SUCLG2: variants seen among roughly 807,000 people sequenced by gnomAD.
SUCLG2 encodes the protein succinate--CoA ligase [GDP-forming] subunit beta, mitochondrial.
In SUCLG2, 42 loss-of-function variants were observed where a neutral mutation model predicts 47.9. The ratio of observed to expected loss-of-function variants is 0.88; its 90% CI spans 0.69 to 1.14. The LOEUF is 1.14. Ranked by LOEUF, SUCLG2 falls within the 50% of genes most tolerant of loss-of-function variation. SUCLG2 has a pLI of 0.00. For synonymous variants in SUCLG2, 195 were observed against 197.3 expected (o/e 0.99, Z 0.10); for missense variants, 571 against 525.9 (o/e 1.09, Z -0.84).
rs1230023652 is a variant in SUCLG2 at position 67,498,305 on chromosome 3, G to A, written c.758-10C>T. 1 of 1,364,370 alleles carries A rather than the reference G, an allele frequency of 7.3e-7. No individual in the cohort carries two copies. The highest frequency in any genetic ancestry group is 4.6e-5 in the East Asian group (1 of 21,910). 84.5% of individuals were successfully genotyped at this position (1,364,370 alleles called of 1,614,324 possible). ...GCATCAAAACAGACAACTAAATAAAGAAGAAAACAATCATACTTGAATATC... is the reference window on the plus strand; with the variant it reads ...GCATCAAAACAGACAACTAAATAAAAAAGAAAACAATCATACTTGAATATC... On this transcript the variant is annotated splice_polypyrimidine_tract_variant and intron_variant, in intron 7 of 10. Coordinates refer to ENST00000307227, the MANE Select transcript of SUCLG2 (RefSeq NM_003848.4).
chr3:67,473,836 C>T (rs1041650676), intron 9 of SUCLG2, among the ~76,000 whole-genome samples: 6 of 152,200 alleles, frequency 3.9e-5, no homozygotes, highest in Non-Finnish European at 8.8e-5. Context: ...TTATCATTCA[C>T]ATCACCTCCC....
intron 2 of SUCLG2, among the ~76,000 whole-genome samples, chr3:67,584,762 A>C (rs1403504107): frequency 9.9e-5 from 15 of 152,182 alleles, no homozygotes; most frequent in East Asian, 1.9e-4. Context: ...GTAGAAGAAG[A>C]AGCAAACACA....
intron 7 of SUCLG2, among the ~76,000 whole-genome samples, chr3:67,508,186 G>GA (rs1050472681): frequency 6.6e-6 from 1 of 152,118 alleles, no homozygotes; most frequent in Non-Finnish European, 1.5e-5. Flanking sequence ...AACTGGGGGG[G>GA]ACTTGGGGCT....
intron 9 of SUCLG2, among the ~76,000 whole-genome samples, chr3:67,466,461 T>C (rs1704474762): frequency 1.3e-5 from 2 of 152,250 alleles, no homozygotes; most frequent in South Asian, 4.1e-4. Flanking sequence ...GAACACTGGT[T>C]TGATCAAGGC....
chr3:67,539,178 T>C (rs900267911), intron 2 of SUCLG2, among the ~76,000 whole-genome samples: 1 of 152,232 alleles, frequency 6.6e-6, no homozygotes, highest in Admixed American at 6.5e-5. Context: ...CCATTCAATA[T>C]GATATTGGCT....
chr3:67,651,568 C>G (rs981062194), intron 1 of SUCLG2, among the ~76,000 whole-genome samples: 1 of 152,080 alleles, frequency 6.6e-6, no homozygotes, highest in African/African-American at 2.4e-5. Flanking sequence ...TGAACAAAAC[C>G]AGCGTTATAA....
intron 8 of SUCLG2, among the ~76,000 whole-genome samples, chr3:67,496,934 A>G (rs1298914096): frequency 1.3e-5 from 2 of 152,196 alleles, no homozygotes; most frequent in African/African-American, 4.8e-5. Flanking sequence ...AATGGTTTAC[A>G]CAGAATCTTA....
chr3:67,418,316 A>C (rs1028084982), intron 9 of SUCLG2, among the ~76,000 whole-genome samples: 1 of 151,210 alleles, frequency 6.6e-6, no homozygotes, highest in South Asian at 2.1e-4. Flanking sequence ...GCATATAAGT[A>C]ATTCAACCCT....
chr3:67,490,792 G>A (rs908144694), intron 9 of SUCLG2, among the ~76,000 whole-genome samples: 1 of 152,136 alleles, frequency 6.6e-6, no homozygotes, highest in Non-Finnish European at 1.5e-5. Flanking sequence ...GGTAATACAA[G>A]TTTACAGAGT....
rs759650687 is a variant in SUCLG2, at chr3:67,654,559, C to G, written c.28G>C (p.Gly10Arg). Residue 10 changes from glycine (G) to arginine (R), a missense_variant, in exon 1 of 11, where the codon GGG (glycine) becomes CGG (arginine). Gly to Arg is a moderately radical substitution (Grantham distance 125). Transcript: ENST00000307227. MASPVAAQAGKLLRALALRP... is the reference protein window; with the variant it reads MASPVAAQARKLLRALALRP... ...AGCGCTAGGGCTCGCAGAAGCTTCC[C>G]GGCCTGCGCTGCTACGGGGGACGCC... is the stretch of plus-strand genomic sequence containing the variant. 1.6e-6 allele frequency: 2 copies of G among 1,272,614 alleles called. No individual in the cohort carries two copies. The highest frequency in any genetic ancestry group is 1.5e-5 in the African/African-American group (1 of 65,694). The allele number at this position is 1,272,614 out of a possible 1,614,324, so 78.8% of individuals were successfully genotyped here.
intron 2 of SUCLG2, among the ~76,000 whole-genome samples, chr3:67,547,357 T>C (rs922300668): frequency 1.3e-5 from 2 of 152,236 alleles, no homozygotes; most frequent in African/African-American, 2.4e-5. Flanking sequence ...GCAGCCAGAA[T>C]GAACTAAGAT....
At chr3:67,545,386 A>C (rs1355047265) in intron 2 of SUCLG2, among the ~76,000 whole-genome samples, 3 of 152,160 alleles carry the variant, frequency 2.0e-5, no homozygotes, top group Non-Finnish European at 4.4e-5. Flanking sequence ...TCTCAGAACC[A>C]CTTTCCCATG....
intron 2 of SUCLG2, among the ~76,000 whole-genome samples, chr3:67,565,877 C>T (rs1196341162): frequency 1.3e-5 from 2 of 152,230 alleles, no homozygotes; most frequent in Admixed American, 6.5e-5. Context: ...ACATTTTGAG[C>T]TTCCACAAGG....
intron 9 of SUCLG2, among the ~76,000 whole-genome samples, chr3:67,415,313 T>C (rs1286264581): frequency 2.6e-5 from 4 of 152,308 alleles, no homozygotes; most frequent in Non-Finnish European, 5.9e-5. Context: ...AAAACGAGGA[T>C]TGAAGAGTTA....
intron 10 of SUCLG2, among the ~76,000 whole-genome samples, chr3:67,395,001 C>T (rs192891756): frequency 0.12 from 17,829 of 151,938 alleles, 1,489 homozygotes; most frequent in Middle Eastern, 0.29. Flanking sequence ...CAGGCCTGCC[C>T]TAAAAGATCT....
At chr3:67,634,235 T>G (rs1469122849) in intron 1 of SUCLG2, among the ~76,000 whole-genome samples, 1 of 152,130 alleles carries the variant, frequency 6.6e-6, no homozygotes, top group Non-Finnish European at 1.5e-5. Context: ...TCTCTTTCCT[T>G]TGCTAACTCT....
intron 9 of SUCLG2, among the ~76,000 whole-genome samples, chr3:67,466,979 G>A (rs1204400292): frequency 2.0e-5 from 3 of 152,168 alleles, no homozygotes; most frequent in Admixed American, 6.5e-5. Context: ...ATTACATCTA[G>A]TCCAATAGAA....
chr3:67,464,347 A>C (rs967914873), intron 9 of SUCLG2, among the ~76,000 whole-genome samples: 7 of 152,226 alleles, frequency 4.6e-5, no homozygotes, highest in African/African-American at 1.7e-4. Flanking sequence ...CAATTTTACA[A>C]GCGTGTGTAT....
chr3:67,520,388 T>G, intron 5 of SUCLG2, 94 bp downstream of exon 5: 1 of 1,553,688 alleles, frequency 6.4e-7, no homozygotes, highest in South Asian at 1.1e-5. Flanking sequence ...TAGAGACAGA[T>G]TTAGTGCTCC....
Sources: allele counts gnomAD v4.1 joint callset (sites outside exome capture counted in the v4.1 genomes callset), GRCh38; gene constraint gnomAD v4.1.1; transcripts MANE v1.5; gene names NCBI Gene and HGNC (gene_info 2026-07-23, HGNC 2026-07-21).